The following FERMT1 variants were observed in gnomAD, a reference collection of about 807,000 sequenced individuals.
FERMT1 encodes the protein fermitin family homolog 1.
In FERMT1, 60 loss-of-function variants were observed where a neutral mutation model predicts 85.3. The observed-to-expected ratio is 0.70, with a 90% CI of 0.57 to 0.87. The LOEUF is 0.87. Ranked by LOEUF, FERMT1 falls within the 40% of genes least tolerant of loss-of-function variation. The pLI, the probability that FERMT1 is intolerant of heterozygous loss-of-function variation, is 0.00. For missense variants in FERMT1, 701 were observed against 818.9 expected (o/e 0.86, Z 1.76); for synonymous variants, 275 against 301.1 (o/e 0.91, Z 0.90).
In FERMT1 at chr20:6,096,886, C is replaced by T. The variant is rs753988762; in HGVS notation, c.1089+16G>A. 3 of 1,578,260 alleles carry T rather than the reference C, an allele frequency of 1.9e-6. No individual in the cohort carries two copies. The Admixed American group carries it at 5.2e-5, about 27-fold the overall frequency. On this transcript the variant is annotated intron_variant, in intron 8 of 14. Transcript: ENST00000217289. The stretch of plus-strand genomic sequence containing the variant: ...GAAGAAAGCCACAGTTCTGGGTGAT[C>T]AGAAAAAGTTCATACCAAAAGGCTG...
rs967682958 is a variant in FERMT1 at position 6,110,196 on chromosome 20, G to A, written c.746+102C>T. The A allele has an allele frequency of 4.9e-6, 5 of 1,024,524 alleles. No homozygotes were observed. The African/African-American group carries it at 6.4e-5, about 13-fold the overall frequency. The allele number at this position is 1,024,524 out of a possible 1,614,324, so 63.5% of individuals were successfully genotyped here. The stretch of plus-strand genomic sequence containing the variant: ...ATCAGCACTAACTTTTGCAAATAAA[G>A]CACAATCCCTAGGCCTACCAACTTG... On this transcript the variant is annotated intron_variant, in intron 5 of 14. Transcript: ENST00000217289.
In FERMT1 at chr20:6,110,675, T is replaced by C. The variant is rs568788297; in HGVS notation, c.533-164A>G. 3.3e-5 allele frequency among the ~76,000 whole-genome samples: 5 copies of C among 152,246 alleles called. No individual in the cohort carries two copies. The East Asian group carries it at 9.6e-4, about 29-fold the overall frequency. Reference sequence around the variant, plus strand: ...GCACTGTGGCCCGCGTCTATAATCCTAGCTACTTGGGAGGCTGAGGTTGGA... The same window carrying C: ...GCACTGTGGCCCGCGTCTATAATCCCAGCTACTTGGGAGGCTGAGGTTGGA... On this transcript the variant is annotated intron_variant, in intron 4 of 14. Transcript: ENST00000217289.
intron 13 of FERMT1, among the ~76,000 whole-genome samples, chr20:6,080,114 G>A (rs1043130609): frequency 6.6e-6 from 1 of 152,122 alleles, no homozygotes; most frequent in Non-Finnish European, 1.5e-5. Context: ...GGATATCTGG[G>A]GAAAGAGTAT....
At chr20:6,116,880 T>C (rs969611542) in intron 2 of FERMT1, among the ~76,000 whole-genome samples, 1 of 152,238 alleles carries the variant, frequency 6.6e-6, no homozygotes, top group Non-Finnish European at 1.5e-5. Context: ...TGAGAAAGCA[T>C]CTGACTTTGT....
At chr20:6,094,602 G>A (rs548118494) in intron 9 of FERMT1, among the ~76,000 whole-genome samples, 4 of 152,282 alleles carry the variant, frequency 2.6e-5, no homozygotes, top group South Asian at 2.1e-4. Context: ...GAGGGTTCAC[G>A]CTGCCATTCA....
In FERMT1 at chr20:6,104,985, C is replaced by G. The variant is rs533976069; in HGVS notation, c.849+2547G>C. ...GGGGAGTCTCTTGGCAAAGAAACTG[C>G]TGGAAGGGTCCCCAAGGACCCTATG... On this transcript the variant is annotated intron_variant, in intron 6 of 14. Transcript: ENST00000217289. This position sits in a 1 kb window ranked among gnomAD's most constrained non-coding sequence, Gnocchi z 4.2. 5.3e-5 allele frequency among the ~76,000 whole-genome samples: 8 copies of G among 152,232 alleles called. No individual in the cohort carries two copies. Among genetic ancestry groups the G allele is most frequent in the Admixed American group, 3.9e-4 (6 of 15,292 alleles).
At chr20:6,105,455 G>C (rs1407233938) in intron 6 of FERMT1, among the ~76,000 whole-genome samples, 1 of 152,178 alleles carries the variant, frequency 6.6e-6, no homozygotes, top group Non-Finnish European at 1.5e-5. Flanking sequence ...CAGAGTACTT[G>C]TCACTCTGTG....
At chr20:6,093,282 T>C (rs1982414945) in intron 9 of FERMT1, among the ~76,000 whole-genome samples, 1 of 152,194 alleles carries the variant, frequency 6.6e-6, no homozygotes, top group African/African-American at 2.4e-5. Context: ...TGTTTCTTCT[T>C]TCCATGAACT....
chr20:6,083,743 T>C (rs1381276364), intron 13 of FERMT1, among the ~76,000 whole-genome samples: 1 of 142,092 alleles, frequency 7.0e-6, no homozygotes, highest in Non-Finnish European at 1.5e-5. Flanking sequence ...ACAGATTTCA[T>C]AAAATCAATA....
intron 1 of FERMT1, among the ~76,000 whole-genome samples, chr20:6,119,793 A>T (rs1041844823): frequency 6.6e-6 from 1 of 152,154 alleles, no homozygotes; most frequent in Admixed American, 6.5e-5. Context: ...AAATTTACAT[A>T]CTTCATTTTT....
At chr20:6,102,218 A>G (rs183496289) in intron 6 of FERMT1, among the ~76,000 whole-genome samples, 13 of 152,006 alleles carry the variant, frequency 8.6e-5, no homozygotes, top group South Asian at 4.2e-4. Context: ...CTGCATCACA[A>G]TGTTCCAGAT....
At chr20:6,116,404 T>C (rs1222689549) in intron 2 of FERMT1, among the ~76,000 whole-genome samples, 1 of 151,660 alleles carries the variant, frequency 6.6e-6, no homozygotes, top group Non-Finnish European at 1.5e-5. Flanking sequence ...AATAAAAAAA[T>C]TTAAAGATAA....
intron 6 of FERMT1, among the ~76,000 whole-genome samples, chr20:6,106,455 T>C (rs73603101): frequency 0.022 from 3,390 of 152,094 alleles, 124 homozygotes; most frequent in African/African-American, 0.078. Flanking sequence ...CAAGGCAAGC[T>C]CCTCCAAGTG....
intron 6 of FERMT1, among the ~76,000 whole-genome samples, chr20:6,101,916 A>C (rs1449425634): frequency 6.6e-6 from 1 of 151,966 alleles, no homozygotes; most frequent in Non-Finnish European, 1.5e-5. Context: ...TCAGCCTCCC[A>C]AAGTGCTGGG....
intron 2 of FERMT1, among the ~76,000 whole-genome samples, 180 bp downstream of exon 2, chr20:6,119,224 A>G (rs1467479513): frequency 6.6e-6 from 1 of 152,190 alleles, no homozygotes; most frequent in Non-Finnish European, 1.5e-5. Context: ...CTGGGATTAC[A>G]GGTGTGAGCC....
At chr20:6,101,795 C>G (rs940594142) in intron 6 of FERMT1, among the ~76,000 whole-genome samples, 1 of 151,874 alleles carries the variant, frequency 6.6e-6, no homozygotes, top group African/African-American at 2.4e-5. Flanking sequence ...TGGGATTACA[C>G]GAGCCCGCCT....
chr20:6,086,155 A>T (rs1982178742), intron 11 of FERMT1, among the ~76,000 whole-genome samples: 1 of 151,514 alleles, frequency 6.6e-6, no homozygotes, highest in East Asian at 1.9e-4. Flanking sequence ...AAAAAAAAAA[A>T]GGTCCAAGGA....
chr20:6,106,045 A>G (rs1252887376), intron 6 of FERMT1, among the ~76,000 whole-genome samples: 1 of 152,262 alleles, frequency 6.6e-6, no homozygotes, highest in Non-Finnish European at 1.5e-5. Context: ...TTTAGCAGGC[A>G]ATGAAAAAAC....
intron 14 of FERMT1, 103 bp downstream of exon 14, chr20:6,079,333 A>T: frequency 8.3e-7 from 1 of 1,211,488 alleles, no homozygotes; most frequent in East Asian, 2.3e-5. Flanking sequence ...GTGGTTTCTT[A>T]GGTCTAAATA....
Sources: allele counts gnomAD v4.1 joint callset (sites outside exome capture counted in the v4.1 genomes callset), GRCh38; gene constraint gnomAD v4.1.1; non-coding constraint Gnocchi (gnomAD v3.1); transcripts MANE v1.5; gene names NCBI Gene and HGNC (gene_info 2026-07-23, HGNC 2026-07-21).